The following ZNF112 variants were observed in gnomAD, a reference collection of about 807,000 sequenced individuals.
ZNF112 encodes zinc finger protein 112, also known as zinc finger protein 112 (Y14).
ZNF112 carries 37 observed loss-of-function variants against 77.7 expected under a neutral mutation model. The observed-to-expected ratio is 0.48, with a 90% CI of 0.37 to 0.63. The LOEUF is 0.63. ZNF112 is among the 20% of genes least tolerant of loss of function. The pLI is 0.00. For synonymous variants in ZNF112, 333 were observed against 363.6 expected (o/e 0.92, Z 0.96); for missense variants, 950 against 1,077.4 (o/e 0.88, Z 1.66).
chr19:44,344,663 C>T (rs1434576), intron 1 of ZNF112, among the ~76,000 whole-genome samples: 8 of 151,886 alleles, frequency 5.3e-5, no homozygotes, highest in African/African-American at 1.2e-4. Flanking sequence ...AGAGGGTGCA[C>T]GGAGTCCTTT....
chr19:44,341,667 T>G (rs1170501356), intron 1 of ZNF112, among the ~76,000 whole-genome samples: 1 of 152,236 alleles, frequency 6.6e-6, no homozygotes. Context: ...TACACACATT[T>G]GCTGTTCATC....
chr19:44,347,485 A>ATTTTTTTT (rs757226424), intron 1 of ZNF112, among the ~76,000 whole-genome samples: 1 of 40,320 alleles, frequency 2.5e-5, no homozygotes, highest in African/African-American at 7.2e-5. Context: ...TTTTGGGTTG[A>ATTTTTTTT]TTTTTTTTTT....
intron 3 of ZNF112, among the ~76,000 whole-genome samples, chr19:44,331,716 A>G (rs1009466450): frequency 7.2e-5 from 11 of 152,226 alleles, no homozygotes; most frequent in African/African-American, 2.4e-4. Context: ...TGCCAAGTGA[A>G]CAGTAGTTGC....
intron 1 of ZNF112, among the ~76,000 whole-genome samples, chr19:44,346,254 C>T (rs546248558): frequency 9.8e-5 from 15 of 152,326 alleles, no homozygotes; most frequent in African/African-American, 3.6e-4. Flanking sequence ...AACTGACACA[C>T]ATTAATTAAC....
chr19:44,329,615 T>C lies in ZNF112; in HGVS notation c.542A>G (p.Tyr181Cys), dbSNP rs756479749. 10 of 1,614,050 alleles carry C rather than the reference T, an allele frequency of 6.2e-6. No homozygotes were observed. The highest frequency in any genetic ancestry group is 2.7e-5 in the African/African-American group (2 of 74,946). Residue 181 changes from tyrosine (Y) to cysteine (C), a missense_variant, in exon 4 of 4, where the codon TAT becomes TGT. This residue lies in a region of ZNF112 where 560 missense variants were observed against 557.3 expected (regional missense o/e 1.00). Coordinates refer to ENST00000354340, the MANE Select transcript of ZNF112 (RefSeq NM_013380.4). ...WRAHHSWRKM[Y>C]LKESHNYQCR... is the part of the protein sequence containing the mutation. ...CTGATAATTATGTGACTCTTTCAGA[T>C]ACATTTTCCTCCAAGAATGATGTGC...
chr19:44,342,530 A>G (rs1449012075), intron 1 of ZNF112, among the ~76,000 whole-genome samples: 2 of 152,160 alleles, frequency 1.3e-5, no homozygotes, highest in African/African-American at 4.8e-5. Flanking sequence ...TAATTTAAAG[A>G]AAAGGGCCGG....
At chr19:44,359,663 T>C (rs1970835735), upstream of ZNF112, among the ~76,000 whole-genome samples, 1 of 152,112 alleles carries the variant, frequency 6.6e-6, no homozygotes, top group Admixed American at 6.5e-5. Flanking sequence ...AGCTACCAAC[T>C]CTACAATATG....
intron 1 of ZNF112, among the ~76,000 whole-genome samples, chr19:44,349,747 T>G (rs2123202058): frequency 6.6e-6 from 1 of 152,188 alleles, no homozygotes; most frequent in African/African-American, 2.4e-5. Context: ...TTAAATCATG[T>G]TTGATTGCAG....
At position 44,328,617 on chromosome 19, in the gene ZNF112, T is replaced by C. The variant is rs774321408; in HGVS notation, c.1540A>G (p.Thr514Ala). The change falls in exon 4 of 4, where the codon ACT (threonine) becomes GCT (alanine). Residue 514 changes from threonine (T) to alanine (A), a missense_variant. Physicochemically the swap from Thr to Ala is moderately conservative, Grantham distance 58 (BLOSUM62 0). This residue lies in a region of ZNF112 where 373 missense variants were observed against 482.8 expected (regional missense o/e 0.77). Coordinates refer to ENST00000354340, the MANE Select transcript of ZNF112 (RefSeq NM_013380.4). The stretch of plus-strand genomic sequence containing the variant: ...TTGCATTTGTATGGCTTCTGTCCAG[T>C]GTGGACTCTCTGATGATCTTTAAGT... Reference protein sequence around the residue: ...SKLKDHQRVHTGQKPYKCNIC... With the variant: ...SKLKDHQRVHAGQKPYKCNIC... The C allele has an allele frequency of 1.2e-6, 2 of 1,614,152 alleles. No homozygotes were observed. The highest frequency in any genetic ancestry group is 2.2e-5 in the South Asian group (2 of 91,088).
intron 1 of ZNF112, among the ~76,000 whole-genome samples, chr19:44,347,734 G>GC (rs1325838947): frequency 6.6e-6 from 1 of 151,670 alleles, no homozygotes; most frequent in Admixed American, 6.6e-5. Context: ...AAAACCTCTA[G>GC]CCAAGAAAGT....
chr19:44,345,714 C>A (rs1970575851), intron 1 of ZNF112, among the ~76,000 whole-genome samples: 1 of 152,186 alleles, frequency 6.6e-6, no homozygotes, highest in South Asian at 2.1e-4. Context: ...GCAAGCCACA[C>A]AGGAATCTTT....
intron 1 of ZNF112, among the ~76,000 whole-genome samples, chr19:44,345,947 T>A (rs758757386): frequency 1.3e-5 from 2 of 152,224 alleles, no homozygotes; most frequent in Non-Finnish European, 2.9e-5. Context: ...TGTCCAATAT[T>A]GTTCTTTCTT....
At chr19:44,345,137 G>T (rs543524912) in intron 1 of ZNF112, among the ~76,000 whole-genome samples, 2 of 152,264 alleles carry the variant, frequency 1.3e-5, no homozygotes, top group African/African-American at 4.8e-5. Flanking sequence ...CCAAGTCCAG[G>T]CTCTATAAAT....
intron 2 of ZNF112, among the ~76,000 whole-genome samples, chr19:44,338,922 G>C (rs1023549061): frequency 6.6e-6 from 1 of 152,078 alleles, no homozygotes; most frequent in Non-Finnish European, 1.5e-5. Flanking sequence ...AATTAGCTGG[G>C]CATGGTGGTA....
rs770993269 is a variant in ZNF112 at position 44,329,516 on chromosome 19, T to A, written c.641A>T (p.Asn214Ile). The change falls in exon 4 of 4, where the codon AAT becomes ATT. Residue 214 changes from asparagine to isoleucine, a missense_variant. Coordinates refer to ENST00000354340, the MANE Select transcript of ZNF112 (RefSeq NM_013380.4). ...CDSVSWLSHH[N>I]DKLEVHRKEN... ...TTTTCTGTGTACTTCCAGTTTATCA[T>A]TGTGATGTGAGAGCCAACTGACACT... is the stretch of plus-strand genomic sequence containing the variant. 1 of 1,614,148 alleles carries A rather than the reference T, an allele frequency of 6.2e-7. No homozygotes were observed. Among genetic ancestry groups the A allele is most frequent in the East Asian group, 2.2e-5 (1 of 44,866 alleles).
intron 1 of ZNF112, among the ~76,000 whole-genome samples, chr19:44,341,402 T>C (rs1179023765): frequency 6.6e-6 from 1 of 152,160 alleles, no homozygotes; most frequent in Admixed American, 6.5e-5. Flanking sequence ...TCAAAATAAA[T>C]ACCAAAAAGT....
chr19:44,335,051 T>C (rs900954060), intron 3 of ZNF112, among the ~76,000 whole-genome samples: 3 of 152,212 alleles, frequency 2.0e-5, no homozygotes, highest in African/African-American at 7.2e-5. Flanking sequence ...CGCCAGCTCA[T>C]GAAAATAGCC....
At chr19:44,343,226 A>T in intron 1 of ZNF112, 1 of 1,612,700 alleles carries the variant, frequency 6.2e-7, no homozygotes, top group Non-Finnish European at 8.5e-7. Flanking sequence ...GGTCACATGT[A>T]AAACGGCATA....
chr19:44,329,752 G>C lies in ZNF112; in HGVS notation c.405C>G (p.Gly135=), dbSNP rs1970234153. 2 of 1,613,974 alleles carry C rather than the reference G, an allele frequency of 1.2e-6. No homozygotes were observed. The highest frequency in any genetic ancestry group is 1.7e-6 in the Non-Finnish European group (2 of 1,179,978). ...GAACTGGTATTCCTGCCCAAACCTG[G>C]CCGAGGGAATTACCTTGTTCTTGCA... ...SQLQEQGNSL[G]QVWAGIPVQI... is the part of the protein sequence containing the mutation. The change falls in exon 4 of 4, where the codon GGC becomes GGG. Residue 135 remains glycine (G), a synonymous_variant. Coordinates refer to ENST00000354340, the MANE Select transcript of ZNF112 (RefSeq NM_013380.4).
Sources: gnomAD v4.1 joint callset for allele counts (sites outside exome capture counted in the v4.1 genomes callset) on GRCh38, gnomAD v4.1.1 for gene constraint, gnomAD v4.1.1 regional missense constraint, MANE v1.5 for transcripts, NCBI Gene and HGNC (gene_info 2026-07-23, HGNC 2026-07-21) for gene names.